PPP1R9A: variants seen among roughly 807,000 people sequenced by gnomAD.
The protein encoded by PPP1R9A is protein phosphatase 1 regulatory subunit 9A, also known as neurabin-1.
A neutral mutation model predicts 141.9 loss-of-function variants in PPP1R9A; 59 were observed. The ratio of observed to expected loss-of-function variants is 0.42; its 90% CI spans 0.34 to 0.52. PPP1R9A has a LOEUF of 0.52. Among genes scored for constraint, PPP1R9A ranks in the 20% least tolerant of loss-of-function variants. PPP1R9A has a pLI of 0.10. For missense variants in PPP1R9A, 1,444 were observed against 1,611.9 expected (o/e 0.90, Z 1.78); for synonymous variants, 500 against 569.7 (o/e 0.88, Z 1.74).
intron 12 of PPP1R9A, among the ~76,000 whole-genome samples, chr7:95,263,001 A>G (rs2153034996): frequency 6.6e-6 from 1 of 152,258 alleles, no homozygotes; most frequent in South Asian, 2.1e-4. Context: ...CCTTAGGCCA[A>G]ATTATCTGGC....
chr7:95,243,873 G>C lies in PPP1R9A; in HGVS notation c.2113-3600G>C, dbSNP rs183857515. 1.3e-4 allele frequency among the ~76,000 whole-genome samples: 20 copies of C among 152,200 alleles called. No individual in the cohort carries two copies. The East Asian group carries it at 3.5e-3, about 27-fold the overall frequency. On this transcript the variant is annotated intron_variant, in intron 8 of 19. Transcript: ENST00000433360. The stretch of plus-strand genomic sequence containing the variant: ...GTAAGAAATTTAGTATTAGTGGAAA[G>C]AACCATGGGCTGGGATTTCTAAAAC...
chr7:95,251,522 G>C (rs891609267), intron 10 of PPP1R9A, among the ~76,000 whole-genome samples: 1 of 152,110 alleles, frequency 6.6e-6, no homozygotes, highest in African/African-American at 2.4e-5. Context: ...GGGTGTTCTA[G>C]AATCAGGAGC....
chr7:94,908,499 C>G (rs1791052917), intron 1 of PPP1R9A: 1 of 152,226 alleles, frequency 6.6e-6, no homozygotes, highest in Admixed American at 6.5e-5. Flanking sequence ...ACTGCGACCT[C>G]CTACCATAGC....
chr7:95,273,341 C>T (rs183844660), intron 14 of PPP1R9A, among the ~76,000 whole-genome samples: 1 of 152,230 alleles, frequency 6.6e-6, no homozygotes, highest in Admixed American at 6.5e-5. Context: ...ATGTCCTCCC[C>T]TCCTCTGTTC....
chr7:95,039,938 AAAAC>A (rs1808987283), intron 2 of PPP1R9A, among the ~76,000 whole-genome samples: 1 of 152,212 alleles, frequency 6.6e-6, no homozygotes, highest in African/African-American at 2.4e-5. Context: ...CATAAATATC[AAAAC>A]AAACAAAAAC....
In PPP1R9A at chr7:94,911,010, G is replaced by A; in HGVS notation, c.897G>A (p.Gln299=). The A allele has an allele frequency of 6.2e-7, 1 of 1,614,118 alleles. No homozygotes were observed. Among genetic ancestry groups the A allele is most frequent in the Non-Finnish European group, 8.5e-7 (1 of 1,180,026 alleles). Reference sequence around the variant, plus strand: ...CGATACCTGGTGAAGAGATCCAGCAGAGCAAGGAACCCGAGGACTCCACAT... The same window carrying A: ...CGATACCTGGTGAAGAGATCCAGCAAAGCAAGGAACCCGAGGACTCCACAT... The part of the protein sequence containing the change: ...LASIPGEEIQ[Q]SKEPEDSTSN... Residue 299 remains glutamine, a synonymous_variant, in exon 2 of 20, where the codon CAG becomes CAA. Transcript: ENST00000433360.
intron 18 of PPP1R9A, 104 bp downstream of exon 18, chr7:95,286,429 A>G: frequency 6.7e-7 from 1 of 1,501,404 alleles, no homozygotes; most frequent in Non-Finnish European, 8.9e-7. Context: ...CATAGAAATC[A>G]TCAGGACTGT....
At chr7:95,266,947 A>G (rs1470232496) in intron 12 of PPP1R9A, among the ~76,000 whole-genome samples, 1 of 152,106 alleles carries the variant, frequency 6.6e-6, no homozygotes, top group Non-Finnish European at 1.5e-5. Context: ...TTCTCCCCTG[A>G]CATGTAAAAA....
At chr7:95,075,059 T>G (rs528674490) in intron 2 of PPP1R9A, among the ~76,000 whole-genome samples, 2 of 152,328 alleles carry the variant, frequency 1.3e-5, no homozygotes, top group South Asian at 4.1e-4. Flanking sequence ...ATATTGCTTT[T>G]GAAAGAACAC....
At chr7:95,081,933 G>A (rs189432723) in intron 2 of PPP1R9A, among the ~76,000 whole-genome samples, 1 of 152,230 alleles carries the variant, frequency 6.6e-6, no homozygotes, top group East Asian at 1.9e-4. Context: ...GAAACCAACA[G>A]CCTGAAATCA....
intron 7 of PPP1R9A, among the ~76,000 whole-genome samples, chr7:95,214,015 G>T (rs1239904128): frequency 6.6e-6 from 1 of 152,122 alleles, no homozygotes; most frequent in Non-Finnish European, 1.5e-5. Context: ...GTGCAATTTA[G>T]TCTTGCTCCA....
At chr7:95,158,944 C>T (rs1830042108) in intron 4 of PPP1R9A, among the ~76,000 whole-genome samples, 1 of 152,072 alleles carries the variant, frequency 6.6e-6, no homozygotes, top group African/African-American at 2.4e-5. Flanking sequence ...CTGAGCATAC[C>T]AAGTATTCCT....
chr7:95,086,984 A>G (rs1816714476), intron 2 of PPP1R9A, among the ~76,000 whole-genome samples: 1 of 151,578 alleles, frequency 6.6e-6, no homozygotes, highest in African/African-American at 2.4e-5. Context: ...GGAGTTTGAG[A>G]CCAGCCTGAG....
At chr7:94,921,402 G>A (rs1255705371) in intron 2 of PPP1R9A, among the ~76,000 whole-genome samples, 4 of 150,742 alleles carry the variant, frequency 2.7e-5, no homozygotes, top group Admixed American at 2.6e-4. Flanking sequence ...AGCTGAGAGG[G>A]CGCCACTGCA....
Position 95,292,496 on chromosome 7 carries a change from A to AT in PPP1R9A, c.*2194dup, listed in dbSNP as rs1806508504. 1 of 152,612 alleles carries AT rather than the reference A, an allele frequency of 6.6e-6. No homozygotes were observed. The highest frequency in any genetic ancestry group is 2.4e-5 in the African/African-American group (1 of 41,454). 9.5% of individuals were successfully genotyped at this position (152,612 alleles called of 1,614,324 possible). A position where few individuals can be genotyped will look rare whatever the true frequency, so the allele number is the denominator to read the frequency against. ...TTGAAAATGGATGTATATACTGGAA[A>AT]TGTCTGTAAGTGTCTTGTTTTTGCA... On this transcript the variant is annotated 3_prime_UTR_variant, in exon 20 of 20. Coordinates refer to ENST00000433360, the MANE Select transcript of PPP1R9A (RefSeq NM_001166160.2).
intron 5 of PPP1R9A, among the ~76,000 whole-genome samples, chr7:95,191,279 A>G (rs2152832011): frequency 6.6e-6 from 1 of 152,336 alleles, no homozygotes; most frequent in East Asian, 1.9e-4. Context: ...TTGTATCTCA[A>G]CATGAAGGGG....
chr7:94,990,074 C>T (rs556874191), intron 2 of PPP1R9A, among the ~76,000 whole-genome samples: 2 of 152,012 alleles, frequency 1.3e-5, no homozygotes, highest in South Asian at 4.1e-4. Context: ...AAATGCCTCT[C>T]ACAATTCTGA....
In PPP1R9A at chr7:94,965,732, T is replaced by G. The variant is rs553527968; in HGVS notation, c.1395+54224T>G. Among the ~76,000 whole-genome samples, 10 of 152,322 alleles carry G rather than the reference T, an allele frequency of 6.6e-5. No homozygotes were observed. In the South Asian group the frequency reaches 2.1e-3, roughly 32 times the overall value. Reference sequence around the variant, plus strand: ...TTTTGGTTACTGTAGCCTTGTAGTATAGTTTGAAGTCAGGTAACATGATGC... The same window carrying G: ...TTTTGGTTACTGTAGCCTTGTAGTAGAGTTTGAAGTCAGGTAACATGATGC... On this transcript the variant is annotated intron_variant, in intron 2 of 19. Coordinates refer to ENST00000433360, the MANE Select transcript of PPP1R9A (RefSeq NM_001166160.2).
chr7:95,096,408 T>G (rs1344191164), intron 2 of PPP1R9A, among the ~76,000 whole-genome samples: 1 of 152,150 alleles, frequency 6.6e-6, no homozygotes, highest in Admixed American at 6.5e-5. Flanking sequence ...TATTCTTGCC[T>G]TCCTTCTTCT....
Sources: gnomAD v4.1 joint callset for allele counts (sites outside exome capture counted in the v4.1 genomes callset) on GRCh38, gnomAD v4.1.1 for gene constraint, MANE v1.5 for transcripts, NCBI Gene and HGNC (gene_info 2026-07-23, HGNC 2026-07-21) for gene names.